Variants in MSR1 observed in about 807,000 individuals in gnomAD.
MSR1 encodes macrophage scavenger receptor 1, also known as macrophage scavenger receptor types I and II.
A neutral mutation model predicts 47.2 loss-of-function variants in MSR1; 53 were observed. The observed-to-expected ratio is 1.12, with a 90% CI of 0.90 to 1.41. The LOEUF (loss-of-function observed/expected upper bound fraction) is 1.41, where lower values mean the gene tolerates loss of function less well. MSR1 is among the 40% of genes most tolerant of loss of function. The probability of loss-of-function intolerance (pLI) is 0.00; values close to 1 mark genes in which losing one functional copy is unlikely to be tolerated. For missense variants in MSR1, 786 were observed against 546.9 expected, an observed-to-expected ratio of 1.44 and a Z score of -4.36; for synonymous variants, 239 against 185.6, an observed-to-expected ratio of 1.29 and a Z score of -2.34.
At chr8:16,151,335 A>G (rs1235193840) in intron 6 of MSR1, among the ~76,000 whole-genome samples, 1 of 152,134 alleles carries the variant, frequency 6.6e-6, no homozygotes, top group Non-Finnish European at 1.5e-5. Context: ...TACATTTTCA[A>G]TGAATGAACA....
intron 5 of MSR1, 68 bp from the exon 6 acceptor site, chr8:16,155,212 A>G: frequency 2.7e-6 from 3 of 1,125,412 alleles, no homozygotes; most frequent in South Asian, 1.3e-5. Context: ...TCATCTGTCA[A>G]GGTACTTATA....
chr8:16,143,560 A>G lies in MSR1; in HGVS notation c.1031T>C (p.Leu344Ser), dbSNP rs1585156693. 62 of 1,611,156 alleles carry G rather than the reference A, an allele frequency of 3.8e-5. No individual in the cohort carries two copies. In the East Asian group the frequency reaches 1.4e-3, roughly 35 times the overall value. ...AAAACAAAATACTATATACTTACTT[A>G]ATGTGTTTCCACTCCCCTTTTCCCC... ...QKGEKGSGNT[L>S]TPFTKVRLVG... The change falls in exon 8 of 10, where the codon TTA becomes TCA. Residue 344 changes from leucine (L) to serine (S), a missense_variant and splice_region_variant. Transcript: ENST00000262101.
rs34175267 is a variant in MSR1 at position 16,137,042 on chromosome 8, T to TAA, written c.1033+6514_1033+6515dup. On this transcript the variant is annotated intron_variant, in intron 8 of 9. Transcript: ENST00000262101. ...CTACTAAGAAAGTACATTATGGAGT[T>TAA]AAAAAAAAAGACACAATAAAAAAAG... 9.1e-4 allele frequency among the ~76,000 whole-genome samples: 136 copies of TAA among 150,130 alleles called. 1 individual carries two copies. The highest frequency in any genetic ancestry group is 1.3e-3 in the Admixed American group (20 of 15,046).
intron 8 of MSR1, among the ~76,000 whole-genome samples, chr8:16,126,770 T>C (rs1437103103): frequency 6.6e-6 from 1 of 152,168 alleles, no homozygotes; most frequent in Non-Finnish European, 1.5e-5. Context: ...TAGCCTAGGC[T>C]GGTCTCCAAC....
intron 9 of MSR1, among the ~76,000 whole-genome samples, chr8:16,119,864 G>A (rs1335527302): frequency 3.2e-5 from 4 of 123,102 alleles, no homozygotes; most frequent in Non-Finnish European, 4.8e-5. Context: ...ATGCTATCAC[G>A]CCTGGCTTTT....
intron 9 of MSR1, among the ~76,000 whole-genome samples, chr8:16,119,936 G>A (rs902490829): frequency 2.9e-5 from 4 of 140,084 alleles, no homozygotes; most frequent in African/African-American, 1.1e-4. Flanking sequence ...CGCTGGTCTT[G>A]AACTCATTTA....
intron 8 of MSR1, among the ~76,000 whole-genome samples, chr8:16,133,554 A>T (rs1388634444): frequency 6.6e-6 from 1 of 152,134 alleles, no homozygotes; most frequent in Non-Finnish European, 1.5e-5. Context: ...TAGTAAGCCT[A>T]GGTTACCATT....
chr8:16,182,843 A>C (rs550183773), intron 1 of MSR1, among the ~76,000 whole-genome samples: 1 of 152,276 alleles, frequency 6.6e-6, no homozygotes, highest in South Asian at 2.1e-4. Context: ...CACCAAAATA[A>C]TGATTAAGAA....
At chr8:16,120,278 A>G (rs979567258) in intron 9 of MSR1, 140 bp downstream of exon 9, 2 of 838,464 alleles carry the variant, frequency 2.4e-6, no homozygotes, top group African/African-American at 3.3e-5. Context: ...TAGGCAGGCT[A>G]AGGGAGGAGA....
rs1156966934 is a variant in MSR1, at chr8:16,150,136, GTGTGTA to G, written c.979+89_979+94del. 194 of 190,298 alleles carry G rather than the reference GTGTGTA, an allele frequency of 1.0e-3. 1 individual carries two copies. The highest frequency in any genetic ancestry group is 9.9e-3 in the Middle Eastern group (5 of 504). The allele number at this position is 190,298 out of a possible 1,614,324, so 11.8% of individuals were successfully genotyped here. On this transcript the variant is annotated intron_variant, in intron 7 of 9. Coordinates refer to ENST00000262101, the MANE Select transcript of MSR1 (RefSeq NM_138715.3). ...ACATTATGTGTGTGTGTATGTGTGT[GTGTGTA>G]TATATATATATATATATATATATAT... is the stretch of plus-strand genomic sequence containing the variant.
chr8:16,122,970 G>C (rs1017559139), intron 8 of MSR1, among the ~76,000 whole-genome samples: 2 of 150,410 alleles, frequency 1.3e-5, no homozygotes, highest in Non-Finnish European at 3.0e-5. Context: ...TCAGCCTCCG[G>C]AGTAGCTACG....
intron 1 of MSR1, among the ~76,000 whole-genome samples, chr8:16,185,302 G>A (rs1225768245): frequency 6.6e-6 from 1 of 152,042 alleles, no homozygotes; most frequent in Admixed American, 6.6e-5. Flanking sequence ...CCTGTGTCCT[G>A]ATCAAGCCAA....
chr8:16,178,415 C>G (rs2117211672), intron 1 of MSR1, among the ~76,000 whole-genome samples: 1 of 152,210 alleles, frequency 6.6e-6, no homozygotes, highest in South Asian at 2.1e-4. Context: ...TCATCCATGT[C>G]CCTACAAAGG....
intron 1 of MSR1, among the ~76,000 whole-genome samples, chr8:16,190,301 C>T (rs1802161411): frequency 6.6e-6 from 1 of 152,176 alleles, no homozygotes; most frequent in Non-Finnish European, 1.5e-5. Flanking sequence ...ACTTCTTGGG[C>T]TCTACTGTCT....
intron 8 of MSR1, among the ~76,000 whole-genome samples, chr8:16,127,579 T>C (rs1371211405): frequency 6.6e-6 from 1 of 152,090 alleles, no homozygotes; most frequent in African/African-American, 2.4e-5. Flanking sequence ...GGATCAAAAG[T>C]AGAGACAGAG....
chr8:16,155,668 G>T (rs530471577), intron 5 of MSR1, among the ~76,000 whole-genome samples: 1 of 151,892 alleles, frequency 6.6e-6, no homozygotes, highest in Admixed American at 6.6e-5. Context: ...AGATCGGCGT[G>T]AATGGTGATG....
chr8:16,151,838 G>T (rs1458142375), intron 6 of MSR1, among the ~76,000 whole-genome samples: 1 of 152,110 alleles, frequency 6.6e-6, no homozygotes, highest in Non-Finnish European at 1.5e-5. Flanking sequence ...CTGGTTAAGG[G>T]CATGGACTCT....
At chr8:16,127,365 G>A (rs555829169) in intron 8 of MSR1, among the ~76,000 whole-genome samples, 18 of 152,152 alleles carry the variant, frequency 1.2e-4, no homozygotes, top group Middle Eastern at 6.8e-3. Flanking sequence ...ATACATCGCC[G>A]CCCAATAAGC....
At chr8:16,141,018 C>T (rs1441613149) in intron 8 of MSR1, 1 of 1,613,676 alleles carries the variant, frequency 6.2e-7, no homozygotes, top group Non-Finnish European at 8.5e-7. Context: ...GGGCCCTGCC[C>T]TAATATGATC....
Sources: gnomAD v4.1 joint callset for allele counts (sites outside exome capture counted in the v4.1 genomes callset) on GRCh38, gnomAD v4.1.1 for gene constraint, MANE v1.5 for transcripts, NCBI Gene and HGNC (gene_info 2026-07-23, HGNC 2026-07-21) for gene names.